ULK4: variants seen among roughly 807,000 people sequenced by gnomAD.
ULK4 encodes the protein unc-51 like kinase 4, also known as inactive serine/threonine-protein kinase ULK4.
Under a neutral mutation model 160.6 loss-of-function variants are expected in ULK4, and 133 were observed. The observed-to-expected ratio is 0.83, with a 90% CI of 0.72 to 0.96. The LOEUF is 0.96. Among genes scored for constraint, ULK4 ranks in the 40% least tolerant of loss-of-function variants. ULK4 has a pLI of 0.00. For missense variants in ULK4, 1,580 were observed against 1,499.5 expected (o/e 1.05, Z -0.89); for synonymous variants, 534 against 539.8 (o/e 0.99, Z 0.15).
chr3:41,267,029 G>C (rs927805171), intron 35 of ULK4, among the ~76,000 whole-genome samples: 2 of 134,208 alleles, frequency 1.5e-5, no homozygotes, highest in Non-Finnish European at 3.2e-5. Flanking sequence ...GGGGGGGGGG[G>C]GTTTAAGGCT....
intron 19 of ULK4, among the ~76,000 whole-genome samples, chr3:41,807,105 G>A (rs930083502): frequency 2.0e-5 from 3 of 151,294 alleles, no homozygotes; most frequent in Non-Finnish European, 2.9e-5. Flanking sequence ...TCCAGCCTGG[G>A]CAATACAGCC....
chr3:41,323,257 T>C (rs1358420593), intron 35 of ULK4, among the ~76,000 whole-genome samples: 1 of 151,950 alleles, frequency 6.6e-6, no homozygotes, highest in Non-Finnish European at 1.5e-5. Flanking sequence ...ACTCCTTCCA[T>C]GTTGCCATAC....
At chr3:41,955,274 G>A (rs1700443684) in intron 1 of ULK4, among the ~76,000 whole-genome samples, 1 of 152,214 alleles carries the variant, frequency 6.6e-6, no homozygotes, top group African/African-American at 2.4e-5. Flanking sequence ...AGGGCGACAA[G>A]GAGAGACTCC....
intron 18 of ULK4, among the ~76,000 whole-genome samples, chr3:41,833,437 C>CA (rs2041658504): frequency 6.6e-6 from 1 of 151,720 alleles, no homozygotes; most frequent in South Asian, 2.1e-4. Context: ...CTGGGACTAC[C>CA]AGTGCCCACC....
Position 41,896,230 on chromosome 3 carries a change from G to A in ULK4, c.1530+592C>T, listed in dbSNP as rs988928669. ...TCCAGTCACTAATGAGAAGGTAAAA[G>A]GTCTGTCTTATGATATCACTTTTTT... On this transcript the variant is annotated intron_variant, in intron 15 of 36. Transcript: ENST00000301831. Among the ~76,000 whole-genome samples the A allele has an allele frequency of 3.3e-5, 5 of 152,054 alleles. 1 individual carries two copies. Among genetic ancestry groups the A allele is most frequent in the Non-Finnish European group, 7.4e-5 (5 of 68,000 alleles).
intron 27 of ULK4, chr3:41,688,008 C>G (rs1418066814): frequency 3.3e-5 from 5 of 152,244 alleles, no homozygotes; most frequent in Non-Finnish European, 2.9e-5. Context: ...GCCTACAACA[C>G]CCACTCCCCA....
chr3:41,836,298 G>A (rs74576180), intron 17 of ULK4, among the ~76,000 whole-genome samples: 3 of 151,742 alleles, frequency 2.0e-5, no homozygotes, highest in Non-Finnish European at 4.4e-5. Flanking sequence ...TCAACCTCCC[G>A]AGTAGCTGGG....
At chr3:41,569,686 T>G (rs1317820706) in intron 31 of ULK4, among the ~76,000 whole-genome samples, 1 of 152,126 alleles carries the variant, frequency 6.6e-6, no homozygotes, top group Non-Finnish European at 1.5e-5. Context: ...TATATTGCCT[T>G]TTACACCGTG....
At chr3:41,527,164 G>A (rs538445174) in intron 32 of ULK4, among the ~76,000 whole-genome samples, 1 of 152,206 alleles carries the variant, frequency 6.6e-6, no homozygotes, top group Admixed American at 6.5e-5. Flanking sequence ...AGGGTAACAT[G>A]TGTACAGCTT....
chr3:41,932,816 G>A (rs1699642653), intron 4 of ULK4, among the ~76,000 whole-genome samples: 1 of 152,174 alleles, frequency 6.6e-6, no homozygotes, highest in Non-Finnish European at 1.5e-5. Context: ...GGCTGAGGCA[G>A]GCAGATCACC....
chr3:41,611,555 C>T (rs1218866926), intron 31 of ULK4, among the ~76,000 whole-genome samples: 1 of 152,110 alleles, frequency 6.6e-6, no homozygotes, highest in East Asian at 1.9e-4. Context: ...TCTCAAAAAC[C>T]TCATTGGTGA....
At chr3:41,707,886 T>A (rs552335847) in intron 25 of ULK4, among the ~76,000 whole-genome samples, 3 of 150,612 alleles carry the variant, frequency 2.0e-5, no homozygotes, top group Admixed American at 6.6e-5. Flanking sequence ...AAAGAAGATA[T>A]ACAAATGGTC....
At chr3:41,498,087 A>T (rs899802846) in intron 32 of ULK4, among the ~76,000 whole-genome samples, 1 of 152,106 alleles carries the variant, frequency 6.6e-6, no homozygotes, top group African/African-American at 2.4e-5. Context: ...TATAGCCACA[A>T]CTCCAGAATA....
At chr3:41,283,275 G>C (rs550581223) in intron 35 of ULK4, among the ~76,000 whole-genome samples, 2 of 152,286 alleles carry the variant, frequency 1.3e-5, no homozygotes, top group South Asian at 4.1e-4. Flanking sequence ...AATACCATTT[G>C]ACCAAGCGAT....
rs935954225 is a variant in ULK4 at position 41,910,191 on chromosome 3, C to T, written c.1085+1126G>A. The stretch of plus-strand genomic sequence containing the variant: ...GATTACAGGCGTGAGCTACTGAGCC[C>T]GGTCCATACTACAAAATTTTTTAAT... On this transcript the variant is annotated intron_variant, in intron 11 of 36. Transcript: ENST00000301831. 3.9e-5 allele frequency among the ~76,000 whole-genome samples: 6 copies of T among 152,154 alleles called. No homozygotes were observed. In the South Asian group the frequency reaches 6.2e-4, roughly 16 times the overall value.
intron 31 of ULK4, among the ~76,000 whole-genome samples, chr3:41,575,224 T>C (rs779367485): frequency 6.6e-6 from 1 of 152,188 alleles, no homozygotes; most frequent in Non-Finnish European, 1.5e-5. Context: ...ACCTCATAAA[T>C]ATGTATATGG....
chr3:41,450,731 G>C (rs2083407552), intron 34 of ULK4, among the ~76,000 whole-genome samples: 1 of 152,154 alleles, frequency 6.6e-6, no homozygotes, highest in South Asian at 2.1e-4. Flanking sequence ...GTCTGTATGT[G>C]CTCTAGTTTA....
intron 35 of ULK4, among the ~76,000 whole-genome samples, chr3:41,289,849 ATGTATG>A (rs2125701663): frequency 6.7e-6 from 1 of 149,220 alleles, no homozygotes; most frequent in Non-Finnish European, 1.5e-5. Flanking sequence ...GTATGTATGT[ATGTATG>A]TACGTATGTA....
At chr3:41,419,097 A>G (rs2125834396) in intron 34 of ULK4, among the ~76,000 whole-genome samples, 1 of 152,346 alleles carries the variant, frequency 6.6e-6, no homozygotes, top group East Asian at 1.9e-4. Flanking sequence ...ATAAATGGAT[A>G]AATGATAAAA....
Sources: allele counts gnomAD v4.1 joint callset (sites outside exome capture counted in the v4.1 genomes callset), GRCh38; gene constraint gnomAD v4.1.1; transcripts MANE v1.5; gene names NCBI Gene and HGNC (gene_info 2026-07-23, HGNC 2026-07-21).